Variants in HHLA1 observed in about 807,000 individuals in gnomAD.
HHLA1 encodes the protein HERV-H LTR-associating protein 1.
Under a neutral mutation model 69.9 loss-of-function variants are expected in HHLA1, and 72 were observed. That is an observed-to-expected ratio of 1.03 (90% CI 0.85 to 1.25). HHLA1 has a LOEUF of 1.25. HHLA1 is among the 50% of genes most tolerant of loss of function. HHLA1 has a pLI of 0.00. For missense variants in HHLA1, 685 were observed against 642.2 expected, an observed-to-expected ratio of 1.07 and a Z score of -0.72; for synonymous variants, 252 against 233.2, an observed-to-expected ratio of 1.08 and a Z score of -0.73.
chr8:132,095,650 C>G (rs1330726101), intron 6 of HHLA1, 48 bp from the exon 7 acceptor site: 2 of 1,529,410 alleles, frequency 1.3e-6, no homozygotes, highest in East Asian at 2.4e-5. Context: ...CAGACCAGCC[C>G]TGCAACACAT....
intron 15 of HHLA1, among the ~76,000 whole-genome samples, chr8:132,067,855 T>C (rs753119816): frequency 3.3e-5 from 5 of 152,140 alleles, no homozygotes; most frequent in South Asian, 2.1e-4. Context: ...GGTTCAGAGA[T>C]TGAATGACTA....
chr8:132,070,915 A>G (rs866269198), intron 15 of HHLA1, among the ~76,000 whole-genome samples: 1 of 151,762 alleles, frequency 6.6e-6, no homozygotes, highest in South Asian at 2.1e-4. Flanking sequence ...TCTCAACACA[A>G]TTCATCTCAT....
chr8:132,106,033 T>C (rs1824196950), intron 1 of HHLA1, among the ~76,000 whole-genome samples: 1 of 152,226 alleles, frequency 6.6e-6, no homozygotes, highest in Non-Finnish European at 1.5e-5. Context: ...TTGAGCACTT[T>C]CTGTGTGCCA....
intron 1 of HHLA1, among the ~76,000 whole-genome samples, chr8:132,108,578 T>C (rs933950621): frequency 2.0e-5 from 3 of 152,168 alleles, no homozygotes; most frequent in Non-Finnish European, 1.5e-5. Context: ...GACAGGACAA[T>C]AATAATTATT....
At chr8:132,079,994 T>C (rs538882521) in intron 10 of HHLA1, 28 bp from the exon 11 acceptor site, 119 of 1,552,136 alleles carry the variant, frequency 7.7e-5, no homozygotes, top group Middle Eastern at 5.0e-4. Context: ...ATGGTAACAT[T>C]AACATGCTTG....
At chr8:132,088,981 G>T (rs58275471) in intron 8 of HHLA1, among the ~76,000 whole-genome samples, 1,856 of 152,260 alleles carry the variant, frequency 0.012, 42 homozygotes, top group African/African-American at 0.043. Context: ...GCATCACACC[G>T]TCTTTCTGCT....
In HHLA1 at chr8:132,069,007, C is replaced by T. The variant is rs149146000; in HGVS notation, c.1469+2333G>A. On this transcript the variant is annotated intron_variant, in intron 15 of 16. Transcript: ENST00000414222. ...TTCTGAACAAGGAGGGAGTAGAAAG[C>T]TTGGAGAAGGGACAGATGGAGCTCT... Among the ~76,000 whole-genome samples, 602 of 152,288 alleles carry T rather than the reference C, an allele frequency of 4.0e-3. 9 individuals are homozygous for T. Among genetic ancestry groups the T allele is most frequent in the African/African-American group, 0.014 (580 of 41,550 alleles).
At chr8:132,094,435 A>T (rs1586732898) in intron 7 of HHLA1, among the ~76,000 whole-genome samples, 4 of 152,270 alleles carry the variant, frequency 2.6e-5, no homozygotes, top group Middle Eastern at 3.4e-3. Context: ...TGCCCTCACC[A>T]ATCAGAGCTA....
At chr8:132,073,770 A>C (rs1254824516) in intron 14 of HHLA1, among the ~76,000 whole-genome samples, 1 of 152,120 alleles carries the variant, frequency 6.6e-6, no homozygotes, top group Non-Finnish European at 1.5e-5. Flanking sequence ...TTAGTTGCTC[A>C]AACTTGGGCA....
intron 3 of HHLA1, chr8:132,101,204 G>A: frequency 3.9e-6 from 6 of 1,550,062 alleles, no homozygotes; most frequent in Non-Finnish European, 4.4e-6. Context: ...GCATTACAGA[G>A]TAAGTCAGGA....
At chr8:132,076,423 A>AGCCCC in intron 13 of HHLA1, 52 bp downstream of exon 13, 1 of 359,214 alleles carries the variant, frequency 2.8e-6, no homozygotes, top group East Asian at 5.3e-5. Context: ...CAAGCTTCCC[A>AGCCCC]CCCCTCCCAT....
chr8:132,094,956 A>T (rs1823999786), intron 7 of HHLA1, among the ~76,000 whole-genome samples: 1 of 152,232 alleles, frequency 6.6e-6, no homozygotes, highest in African/African-American at 2.4e-5. Flanking sequence ...AGTTTTATTT[A>T]TAAAACTAGC....
chr8:132,076,089 C>T lies in HHLA1; in HGVS notation c.1281G>A (p.Glu427=), dbSNP rs1337490460. ...GATGGGGTCTTGGGACCAGGACTGG[C>T]TCTTCACCAGCAGTGAATGGCCACT... ...SAEWPFTAGE[E]PVLVPRPHQV... The change falls in exon 14 of 17, where the codon GAG becomes GAA. Residue 427 remains glutamate (E), a synonymous_variant. Transcript: ENST00000414222. 3.2e-6 allele frequency: 5 copies of T among 1,551,398 alleles called. No homozygotes were observed. The East Asian group carries it at 7.3e-5, about 23-fold the overall frequency.
intron 10 of HHLA1, 28 bp downstream of exon 10, chr8:132,087,625 G>A (rs747237947): frequency 6.8e-7 from 1 of 1,469,006 alleles, no homozygotes; most frequent in Non-Finnish European, 9.3e-7. Context: ...GAGAGTCTAT[G>A]GGAGGAGTTT....
chr8:132,083,034 ATGATTGGTCG>A (rs1351067740), intron 10 of HHLA1, among the ~76,000 whole-genome samples: 2,727 of 150,122 alleles, frequency 0.018, 92 homozygotes, highest in African/African-American at 0.065. Flanking sequence ...TAAGGGGTGC[ATGATTGGTCG>A]CCAAGGAGGG....
intron 16 of HHLA1, among the ~76,000 whole-genome samples, chr8:132,064,276 T>A (rs1295439003): frequency 6.6e-6 from 1 of 152,218 alleles, no homozygotes; most frequent in East Asian, 1.9e-4. Flanking sequence ...ATTTCTCCAC[T>A]CACTGCCCAA....
intron 10 of HHLA1, chr8:132,080,433 G>A (rs909699341): frequency 6.7e-6 from 2 of 300,148 alleles, no homozygotes; most frequent in South Asian, 2.9e-5. Context: ...GCGGGCAGGA[G>A]TGGGGGTCTC....
At chr8:132,081,994 G>A (rs948475424) in intron 10 of HHLA1, among the ~76,000 whole-genome samples, 2 of 152,138 alleles carry the variant, frequency 1.3e-5, no homozygotes, top group Admixed American at 6.5e-5. Context: ...TAAATCAAGC[G>A]TGATCAGGGT....
At chr8:132,084,935 GA>G (rs1309055600) in intron 10 of HHLA1, among the ~76,000 whole-genome samples, 2 of 151,996 alleles carry the variant, frequency 1.3e-5, no homozygotes, top group Non-Finnish European at 1.5e-5. Context: ...AGAAGGGGTT[GA>G]GGGGTACTTG....
Sources: gnomAD v4.1 joint callset for allele counts (sites outside exome capture counted in the v4.1 genomes callset) on GRCh38, gnomAD v4.1.1 for gene constraint, MANE v1.5 for transcripts, NCBI Gene and HGNC (gene_info 2026-07-23, HGNC 2026-07-21) for gene names.